ADORA1: variants seen among roughly 807,000 people sequenced by gnomAD.
The protein encoded by ADORA1 is adenosine receptor A1.
In ADORA1, 6 loss-of-function variants were observed where a neutral mutation model predicts 19.9. The ratio of observed to expected loss-of-function variants is 0.30; its 90% CI spans 0.17 to 0.59. The LOEUF (loss-of-function observed/expected upper bound fraction) is 0.59. ADORA1 is among the 20% of genes least tolerant of loss of function. The pLI is 0.87. For missense variants in ADORA1, 302 were observed against 439.2 expected, an observed-to-expected ratio of 0.69 and a Z score of 2.79; for synonymous variants, 194 against 188.4, an observed-to-expected ratio of 1.03 and a Z score of -0.24.
At position 203,162,728 on chromosome 1, in the gene ADORA1, TG is replaced by T. The variant is rs148688348; in HGVS notation, c.342-2531del. On this transcript the variant is annotated intron_variant, in intron 3 of 3. Coordinates refer to ENST00000337894, the MANE Select transcript of ADORA1 (RefSeq NM_000674.3). ...CTTGGAGTCAGGAGACCCAGGCCAG[TG>T]GAGCTTCTAATTTATGAAATGGGGA... 3.9e-3 allele frequency among the ~76,000 whole-genome samples: 601 copies of T among 152,290 alleles called. 7 individuals are homozygous for T. Among genetic ancestry groups the T allele is most frequent in the African/African-American group, 0.014 (580 of 41,560 alleles).
intron 3 of ADORA1, among the ~76,000 whole-genome samples, chr1:203,132,559 G>T (rs1339522486): frequency 6.6e-6 from 1 of 152,208 alleles, no homozygotes; most frequent in African/African-American, 2.4e-5. Flanking sequence ...GAAGGGGTTG[G>T]AGGTGGGGCA....
chr1:203,138,327 T>A (rs943840542), intron 3 of ADORA1, among the ~76,000 whole-genome samples: 1 of 152,070 alleles, frequency 6.6e-6, no homozygotes, highest in Non-Finnish European at 1.5e-5. Flanking sequence ...CGGGTGGTTG[T>A]AAATGTGAGA....
intron 3 of ADORA1, among the ~76,000 whole-genome samples, chr1:203,136,226 C>T (rs994014894): frequency 2.6e-5 from 4 of 152,076 alleles, no homozygotes; most frequent in South Asian, 4.1e-4. Flanking sequence ...GGCAGGTGGT[C>T]GTGGGGATAA....
At chr1:203,138,796 C>T (rs1300179405) in intron 3 of ADORA1, among the ~76,000 whole-genome samples, 2 of 152,110 alleles carry the variant, frequency 1.3e-5, no homozygotes, top group Non-Finnish European at 2.9e-5. Flanking sequence ...TGGAAACGAG[C>T]TGTCTTACTC....
At chr1:203,130,315 T>C (rs1210605251) in intron 3 of ADORA1, among the ~76,000 whole-genome samples, 1 of 152,044 alleles carries the variant, frequency 6.6e-6, no homozygotes, top group East Asian at 1.9e-4. Context: ...CCTGTTATCA[T>C]CACGCCGCTG....
At position 203,129,048 on chromosome 1, in the gene ADORA1, C is replaced by T; in HGVS notation, c.207C>T (p.Ile69=). 1 of 1,614,150 alleles carries T rather than the reference C, an allele frequency of 6.2e-7. No individual in the cohort carries two copies. ...GALVIPLAIL[I]NIGPQTYFHT... ...TGGTCATCCCCCTCGCCATCCTCAT[C>T]AACATTGGGCCACAGACCTACTTCC... Residue 69 remains isoleucine (I), a synonymous_variant, in exon 3 of 4, where the codon ATC becomes ATT. Coordinates refer to ENST00000337894, the MANE Select transcript of ADORA1 (RefSeq NM_000674.3).
At chr1:203,152,639 T>A (rs1371097245) in intron 3 of ADORA1, 1 of 151,996 alleles carries the variant, frequency 6.6e-6, no homozygotes, top group African/African-American at 2.4e-5. Context: ...TGGGGCTAAT[T>A]GGCCTTGCTC....
At chr1:203,133,446 G>A (rs1042416240) in intron 3 of ADORA1, among the ~76,000 whole-genome samples, 2 of 152,148 alleles carry the variant, frequency 1.3e-5, no homozygotes, top group Non-Finnish European at 2.9e-5. Context: ...CTAAATTGAG[G>A]GCTGAGGCTT....
intron 3 of ADORA1, among the ~76,000 whole-genome samples, chr1:203,136,884 A>C (rs554328419): frequency 6.6e-6 from 1 of 152,336 alleles, no homozygotes; most frequent in Non-Finnish European, 1.5e-5. Flanking sequence ...TTTATTCAAC[A>C]AATACTTATT....
chr1:203,147,188 A>G (rs1253943105), intron 3 of ADORA1, among the ~76,000 whole-genome samples: 5 of 152,176 alleles, frequency 3.3e-5, no homozygotes, highest in Non-Finnish European at 5.9e-5. Context: ...TGGGGTGTGC[A>G]TTGGGTAGGA....
chr1:203,165,999 G>A lies in ADORA1; in HGVS notation c.*99G>A. 7.0e-7 allele frequency: 1 copy of A among 1,421,406 alleles called. No homozygotes were observed. The highest frequency in any genetic ancestry group is 9.2e-7 in the Non-Finnish European group (1 of 1,082,906). The allele number at this position is 1,421,406 out of a possible 1,614,324, so 88.0% of individuals were successfully genotyped here. ...GGGTCTCCCTGAGCCTGCCCCAGCT[G>A]GGCTGTTGGCTGGGGGCATGGGGGA... On this transcript the variant is annotated 3_prime_UTR_variant, in exon 4 of 4. Coordinates refer to ENST00000337894, the MANE Select transcript of ADORA1 (RefSeq NM_000674.3). The surrounding 1 kb of genome is among the most constrained non-coding windows in gnomAD (Gnocchi z 5.9).
chr1:203,163,505 G>T (rs1655435845), intron 3 of ADORA1, among the ~76,000 whole-genome samples: 3 of 152,156 alleles, frequency 2.0e-5, no homozygotes, highest in Admixed American at 2.0e-4. Flanking sequence ...ACCTCTCAAG[G>T]CCCCTTGGTG....
intron 3 of ADORA1, among the ~76,000 whole-genome samples, chr1:203,151,507 A>G (rs1251572018): frequency 1.3e-5 from 2 of 152,210 alleles, no homozygotes; most frequent in Non-Finnish European, 2.9e-5. Context: ...CCTGTTTTGT[A>G]TCTCTTCAAG....
chr1:203,146,569 C>T (rs571750149), intron 3 of ADORA1, among the ~76,000 whole-genome samples: 14 of 147,972 alleles, frequency 9.5e-5, no homozygotes, highest in African/African-American at 2.0e-4. Flanking sequence ...GTTGAGGCTA[C>T]GGTGGGCCAT....
intron 3 of ADORA1, among the ~76,000 whole-genome samples, chr1:203,130,568 T>C (rs990360167): frequency 6.6e-6 from 1 of 152,210 alleles, no homozygotes; most frequent in Non-Finnish European, 1.5e-5. Context: ...GGGGCCCACA[T>C]GCTGCCATTA....
In ADORA1 at chr1:203,166,367, G is replaced by T. The variant is rs971416260; in HGVS notation, c.*467G>T. 1 of 155,320 alleles carries T rather than the reference G, an allele frequency of 6.4e-6. No homozygotes were observed. The highest frequency in any genetic ancestry group is 6.5e-5 in the Admixed American group (1 of 15,364). The allele number at this position is 155,320 out of a possible 1,614,324, so 9.6% of individuals were successfully genotyped here. On this transcript the variant is annotated 3_prime_UTR_variant, in exon 4 of 4. Transcript: ENST00000337894. The stretch of plus-strand genomic sequence containing the variant: ...GAGAGGAGAGCATCTGCTCTGAGAC[G>T]GATGGAAGGAGAGAGGTTGAGGATG...
chr1:203,155,016 T>TTTA (rs4020534), intron 3 of ADORA1, among the ~76,000 whole-genome samples: 27,960 of 142,142 alleles, frequency 0.2, 3,009 homozygotes, highest in East Asian at 0.38. Context: ...GCTCTTCCTA[T>TTTA]TTATTATTAT....
intron 3 of ADORA1, among the ~76,000 whole-genome samples, chr1:203,159,191 TAAAA>T (rs1452585440): frequency 6.6e-6 from 1 of 152,258 alleles, no homozygotes; most frequent in East Asian, 1.9e-4. Flanking sequence ...CCTGGATGGC[TAAAA>T]TAGCCTCCTG....
intron 3 of ADORA1, among the ~76,000 whole-genome samples, chr1:203,158,739 C>T (rs1394036879): frequency 6.6e-6 from 1 of 152,202 alleles, no homozygotes; most frequent in Non-Finnish European, 1.5e-5. Flanking sequence ...AAGAAGTTTA[C>T]TCAGCTCACA....
Sources: allele counts gnomAD v4.1 joint callset (sites outside exome capture counted in the v4.1 genomes callset), GRCh38; gene constraint gnomAD v4.1.1; non-coding constraint Gnocchi (gnomAD v3.1); transcripts MANE v1.5; gene names NCBI Gene and HGNC (gene_info 2026-07-23, HGNC 2026-07-21).